RIT2: variants seen among roughly 807,000 people sequenced by gnomAD.
RIT2 encodes the protein Ras like without CAAX 2.
RIT2 carries 24 observed loss-of-function variants against 23.7 expected under a neutral mutation model. The observed-to-expected ratio is 1.01, with a 90% CI of 0.73 to 1.43. RIT2 has a LOEUF of 1.43. Among genes scored for constraint, RIT2 ranks in the 40% most tolerant of loss-of-function variants. RIT2 has a pLI of 0.00. For synonymous variants in RIT2, 107 were observed against 91.1 expected, an observed-to-expected ratio of 1.17 and a Z score of -0.99; for missense variants, 236 against 266.9, an observed-to-expected ratio of 0.88 and a Z score of 0.81.
At chr18:42,872,339 TTGAAGGTTAATCTACAC>T (rs1297213127) in intron 4 of RIT2, among the ~76,000 whole-genome samples, 3 of 152,012 alleles carry the variant, frequency 2.0e-5, no homozygotes, top group Non-Finnish European at 4.4e-5. Flanking sequence ...TCTCTATCCA[TTGAAGGTTAATCTACAC>T]TGTAGACCTG....
intron 4 of RIT2, among the ~76,000 whole-genome samples, chr18:42,777,118 T>G (rs1913690072): frequency 6.6e-6 from 1 of 152,064 alleles, no homozygotes; most frequent in Non-Finnish European, 1.5e-5. Context: ...CCTGATCATT[T>G]GGGTGAATAA....
intron 4 of RIT2, among the ~76,000 whole-genome samples, chr18:42,829,222 C>CTATATATATATA (rs768375825): frequency 6.6e-6 from 1 of 152,084 alleles, no homozygotes; most frequent in Non-Finnish European, 1.5e-5. Context: ...AAATCTGATT[C>CTATATATATATA]TGATGCCTAA....
intron 4 of RIT2, among the ~76,000 whole-genome samples, chr18:42,860,640 G>T (rs1303536182): frequency 1.3e-5 from 2 of 152,190 alleles, no homozygotes; most frequent in Non-Finnish European, 2.9e-5. Context: ...TCTAGGAGGA[G>T]TGCTACCTAT....
At chr18:43,019,217 C>G (rs1302555775) in intron 2 of RIT2, among the ~76,000 whole-genome samples, 3 of 151,684 alleles carry the variant, frequency 2.0e-5, no homozygotes, top group African/African-American at 4.8e-5. Flanking sequence ...CCAAGCATAT[C>G]AAAACCAGAA....
intron 4 of RIT2, among the ~76,000 whole-genome samples, chr18:42,852,951 G>A (rs756369890): frequency 1.1e-4 from 17 of 151,536 alleles, no homozygotes; most frequent in Non-Finnish European, 2.2e-4. Flanking sequence ...CTCCTGCCTC[G>A]GCCTCCCAAA....
chr18:42,891,107 C>T (rs1398585405), intron 4 of RIT2, among the ~76,000 whole-genome samples: 1 of 152,054 alleles, frequency 6.6e-6, no homozygotes, highest in African/African-American at 2.4e-5. Context: ...AATTGCAGAG[C>T]CTGTTTGTTG....
At chr18:42,814,071 C>T (rs1344948767) in intron 4 of RIT2, among the ~76,000 whole-genome samples, 2 of 152,192 alleles carry the variant, frequency 1.3e-5, no homozygotes, top group African/African-American at 2.4e-5. Context: ...GGCCTGTGAG[C>T]TCACTGTGTC....
intron 1 of RIT2, among the ~76,000 whole-genome samples, chr18:43,092,832 T>C (rs917868146): frequency 3.9e-5 from 6 of 152,216 alleles, no homozygotes; most frequent in African/African-American, 1.4e-4. Flanking sequence ...ACGTAGGTTC[T>C]ATAAACGGTC....
At chr18:42,954,780 A>G (rs551706705) in intron 3 of RIT2, among the ~76,000 whole-genome samples, 1 of 152,196 alleles carries the variant, frequency 6.6e-6, no homozygotes, top group South Asian at 2.1e-4. Flanking sequence ...GTGAATTTGT[A>G]CTTTAAGACT....
rs990577027 is a variant in RIT2, at chr18:42,903,870, C to A, written c.426+19702G>T. On this transcript the variant is annotated intron_variant, in intron 4 of 4. Coordinates refer to ENST00000326695, the MANE Select transcript of RIT2 (RefSeq NM_002930.4). ...TAAGTGAAAAAGCAAGCAAATCAAT[C>A]AAAGTATTTTTAATCAAAATCAAAG... Among the ~76,000 whole-genome samples the A allele has an allele frequency of 2.0e-5, 3 of 152,020 alleles. No homozygotes were observed. In the East Asian group the frequency reaches 5.8e-4, roughly 29 times the overall value.
At chr18:42,807,791 ATG>A (rs10551770) in intron 4 of RIT2, among the ~76,000 whole-genome samples, 40,830 of 147,080 alleles carry the variant, frequency 0.28, 5,602 homozygotes, top group Middle Eastern at 0.42. Context: ...CACAAAGTGA[ATG>A]TGTGTGTGTG....
At chr18:42,886,400 T>C (rs1299570290) in intron 4 of RIT2, among the ~76,000 whole-genome samples, 1 of 152,108 alleles carries the variant, frequency 6.6e-6, no homozygotes, top group Non-Finnish European at 1.5e-5. Context: ...GATAGCACAA[T>C]AGGAAGAACA....
At chr18:42,982,058 A>C (rs1910610242) in intron 2 of RIT2, among the ~76,000 whole-genome samples, 1 of 152,150 alleles carries the variant, frequency 6.6e-6, no homozygotes, top group African/African-American at 2.4e-5. Context: ...GATCTCAAGA[A>C]ATTTTATATT....
chr18:42,901,941 T>C (rs1159707822), intron 4 of RIT2, among the ~76,000 whole-genome samples: 3 of 151,938 alleles, frequency 2.0e-5, no homozygotes. Flanking sequence ...CCAAAACATG[T>C]TTATTGCAGA....
chr18:43,097,806 T>G (rs1913590965), intron 1 of RIT2, among the ~76,000 whole-genome samples: 1 of 151,954 alleles, frequency 6.6e-6, no homozygotes. Flanking sequence ...CCAGCCAGGC[T>G]CCAGTGAACT....
intron 1 of RIT2, among the ~76,000 whole-genome samples, chr18:43,077,467 A>T (rs918735437): frequency 6.6e-6 from 1 of 151,990 alleles, no homozygotes; most frequent in East Asian, 1.9e-4. Flanking sequence ...CTTCTATTCC[A>T]AGGAAAAACA....
intron 4 of RIT2, among the ~76,000 whole-genome samples, chr18:42,885,545 C>T (rs1907999752): frequency 6.6e-6 from 1 of 152,162 alleles, no homozygotes; most frequent in Admixed American, 6.5e-5. Flanking sequence ...GAGATCGTGC[C>T]TCTGCGCTCC....
chr18:43,003,761 G>GACAC (rs56860348), intron 2 of RIT2, among the ~76,000 whole-genome samples: 1,326 of 129,544 alleles, frequency 0.01, 22 homozygotes, highest in African/African-American at 0.034. Context: ...CCTCCTCAGT[G>GACAC]ACACACACAC....
At chr18:42,938,396 C>A (rs1422049142) in intron 3 of RIT2, among the ~76,000 whole-genome samples, 1 of 152,072 alleles carries the variant, frequency 6.6e-6, no homozygotes, top group African/African-American at 2.4e-5. Context: ...CAAAATGATA[C>A]TATAAAATAA....
Sources: gnomAD v4.1 joint callset for allele counts (sites outside exome capture counted in the v4.1 genomes callset) on GRCh38, gnomAD v4.1.1 for gene constraint, MANE v1.5 for transcripts, NCBI Gene and HGNC (gene_info 2026-07-23, HGNC 2026-07-21) for gene names.